MEGF10: variants seen among roughly 807,000 people sequenced by gnomAD.
MEGF10 encodes multiple epidermal growth factor-like domains protein 10.
MEGF10 carries 86 observed loss-of-function variants against 147.5 expected under a neutral mutation model. That is an observed-to-expected ratio of 0.58 (90% CI 0.49 to 0.70). The LOEUF is 0.70. Among genes scored for constraint, MEGF10 ranks in the 30% least tolerant of loss-of-function variants. MEGF10 has a pLI of 0.00. For synonymous variants in MEGF10, 478 were observed against 525.5 expected (o/e 0.91, Z 1.24); for missense variants, 1,329 against 1,487.3 (o/e 0.89, Z 1.75).
the MEGF10 span, among the ~76,000 whole-genome samples, chr5:127,247,929 C>G: frequency 6.6e-6 from 1 of 151,528 alleles, no homozygotes; most frequent in Non-Finnish European, 1.5e-5. Context: ...TGGCTGAGAG[C>G]TGGTGTGGGC....
chr5:127,281,381 G>A, the MEGF10 span, among the ~76,000 whole-genome samples: 1 of 152,052 alleles, frequency 6.6e-6, no homozygotes, highest in Non-Finnish European at 1.5e-5. Context: ...GGCATGCTTT[G>A]ATGAGAGTTT....
intron 13 of MEGF10, among the ~76,000 whole-genome samples, chr5:127,425,984 C>T (rs897746831): frequency 6.6e-6 from 1 of 152,198 alleles, no homozygotes; most frequent in African/African-American, 2.4e-5. Context: ...AGCCAGGGCT[C>T]TTCCCCTGAT....
rs192410135 is a variant in MEGF10 at position 127,439,264 on chromosome 5, G to A, written c.2233+697G>A. On this transcript the variant is annotated intron_variant, in intron 17 of 24. Transcript: ENST00000503335. ...TACTCCAAAGCTGAGCATCATTGGG[G>A]AAGGAAGATCATTCTCTGACCTCTT... Among the ~76,000 whole-genome samples the A allele has an allele frequency of 7.4e-3, 1,125 of 152,314 alleles. 14 individuals carry two copies. Among genetic ancestry groups the A allele is most frequent in the Non-Finnish European group, 9.7e-3 (662 of 68,030 alleles).
At position 127,440,729 on chromosome 5, in the gene MEGF10, C is replaced by T. The variant is rs748262501; in HGVS notation, c.2234-10C>T. The T allele has an allele frequency of 1.2e-6, 2 of 1,613,528 alleles. No homozygotes were observed. The highest frequency in any genetic ancestry group is 2.7e-5 in the African/African-American group (2 of 74,912). ...CCTCTTGACTCCTACTGTCCTCCCTCCTCCCACAGGATGTCCTCTAGGGTT... is the reference window on the plus strand; with the variant it reads ...CCTCTTGACTCCTACTGTCCTCCCTTCTCCCACAGGATGTCCTCTAGGGTT... On this transcript the variant is annotated splice_polypyrimidine_tract_variant and intron_variant, in intron 17 of 24. Transcript: ENST00000503335.
intron 4 of MEGF10, among the ~76,000 whole-genome samples, chr5:127,366,861 T>C (rs1762674700): frequency 6.6e-6 from 1 of 152,198 alleles, no homozygotes; most frequent in South Asian, 2.1e-4. Context: ...ACTTAGAAAT[T>C]TACTTATTAT....
rs201055124 is a variant in MEGF10 at position 127,394,705 on chromosome 5, CTCA to C, written c.413-1825_413-1823del. ...TATCCATAGGCAATAAAAGAAACAA[CTCA>C]TATGAATAACAATTAGGCTTCAGTC... On this transcript the variant is annotated intron_variant, in intron 5 of 24. Coordinates refer to ENST00000503335, the MANE Select transcript of MEGF10 (RefSeq NM_001256545.2). Among the ~76,000 whole-genome samples, 471 of 152,216 alleles carry C rather than the reference CTCA, an allele frequency of 3.1e-3. 4 individuals are homozygous for C. Among genetic ancestry groups the C allele is most frequent in the African/African-American group, 0.011 (449 of 41,562 alleles).
intron 5 of MEGF10, among the ~76,000 whole-genome samples, chr5:127,386,881 T>C (rs1041071231): frequency 6.6e-6 from 1 of 152,228 alleles, no homozygotes; most frequent in African/African-American, 2.4e-5. Flanking sequence ...ATCTGTGCAG[T>C]GTCACATATA....
At chr5:127,276,146 C>A in the MEGF10 span, among the ~76,000 whole-genome samples, 1 of 152,206 alleles carries the variant, frequency 6.6e-6, no homozygotes, top group Non-Finnish European at 1.5e-5. Flanking sequence ...AGTGAAACAA[C>A]CTTCTGTTGT....
intron 4 of MEGF10, among the ~76,000 whole-genome samples, chr5:127,343,657 T>C (rs1371169769): frequency 6.6e-6 from 1 of 151,944 alleles, no homozygotes; most frequent in Non-Finnish European, 1.5e-5. Flanking sequence ...TGGTGAAGAA[T>C]GATCTTCTCA....
chr5:127,398,837 C>T (rs374078157), intron 7 of MEGF10, 41 bp downstream of exon 7: 134 of 1,612,016 alleles, frequency 8.3e-5, no homozygotes, highest in Non-Finnish European at 1.1e-4. Context: ...GCCCCAAAGT[C>T]ACCCATTCCA....
chr5:127,440,594 G>A (rs1039929758), intron 17 of MEGF10, 145 bp from the exon 18 acceptor site: 26 of 788,482 alleles, frequency 3.3e-5, no homozygotes, highest in Non-Finnish European at 4.8e-5. Context: ...AAGCTCTTGT[G>A]GCAAGCTCAG....
At chr5:127,343,323 G>A (rs1037706770) in intron 4 of MEGF10, among the ~76,000 whole-genome samples, 3 of 152,076 alleles carry the variant, frequency 2.0e-5, no homozygotes, top group Admixed American at 6.6e-5. Context: ...ATGTACTCAA[G>A]TAGCACCTTC....
the MEGF10 span, among the ~76,000 whole-genome samples, chr5:127,248,622 G>T: frequency 2.0e-5 from 3 of 151,882 alleles, no homozygotes; most frequent in African/African-American, 4.8e-5. Context: ...CAGAATAAAA[G>T]ATCAGAGAAT....
At chr5:127,362,331 G>GTTT (rs35156178) in intron 4 of MEGF10, among the ~76,000 whole-genome samples, 14 of 134,318 alleles carry the variant, frequency 1.0e-4, no homozygotes, top group Admixed American at 6.7e-4. Flanking sequence ...CGTTAGTATG[G>GTTT]TTTTTTTTTT....
intron 1 of MEGF10, among the ~76,000 whole-genome samples, chr5:127,325,859 A>G (rs1186892049): frequency 3.0e-5 from 4 of 135,482 alleles, no homozygotes; most frequent in Admixed American, 7.2e-5. Context: ...ATGTGTGTAT[A>G]TATATATATA....
intron 4 of MEGF10, among the ~76,000 whole-genome samples, chr5:127,366,347 G>A (rs1762651998): frequency 6.6e-6 from 1 of 152,160 alleles, no homozygotes; most frequent in East Asian, 1.9e-4. Context: ...GTGGAAAAGG[G>A]CATGCAGCAG....
chr5:127,231,561 C>T, the MEGF10 span, among the ~76,000 whole-genome samples: 1 of 152,222 alleles, frequency 6.6e-6, no homozygotes, highest in South Asian at 2.1e-4. Context: ...TAGTGTTTAT[C>T]ACCATCTATA....
At chr5:127,283,373 A>G in the MEGF10 span, among the ~76,000 whole-genome samples, 3 of 152,234 alleles carry the variant, frequency 2.0e-5, no homozygotes, top group East Asian at 5.8e-4. Context: ...GAAGATATTC[A>G]TGTCTTTACT....
chr5:127,435,319 G>A (rs1423579671), intron 15 of MEGF10, 42 bp from the exon 16 acceptor site: 2 of 1,608,918 alleles, frequency 1.2e-6, no homozygotes, highest in Non-Finnish European at 1.7e-6. Flanking sequence ...TTCTGCGAGA[G>A]GGGTTTTGAT....
Sources: gnomAD v4.1 joint callset for allele counts (sites outside exome capture counted in the v4.1 genomes callset) on GRCh38, gnomAD v4.1.1 for gene constraint, MANE v1.5 for transcripts, NCBI Gene and HGNC (gene_info 2026-07-23, HGNC 2026-07-21) for gene names.